GRM8: variants seen among roughly 807,000 people sequenced by gnomAD.
GRM8 encodes metabotropic glutamate receptor 8.
A neutral mutation model predicts 87.2 loss-of-function variants in GRM8; 47 were observed. That is an observed-to-expected ratio of 0.54 (90% CI 0.43 to 0.69). The LOEUF (loss-of-function observed/expected upper bound fraction) is 0.69, where lower values mean the gene tolerates loss of function less well. Ranked by LOEUF, GRM8 falls within the 30% of genes least tolerant of loss-of-function variation. GRM8 has a pLI of 0.00. For missense variants in GRM8, 1,019 were observed against 1,139.2 expected (o/e 0.89, Z 1.52); for synonymous variants, 396 against 404.5 (o/e 0.98, Z 0.25).
chr7:126,598,254 C>A (rs966596858), intron 8 of GRM8, among the ~76,000 whole-genome samples: 63 of 151,650 alleles, frequency 4.2e-4, no homozygotes, highest in African/African-American at 1.5e-3. Context: ...GTTTTTAATG[C>A]CCTATTTCTC....
chr7:126,928,834 C>T (rs1220291710), intron 3 of GRM8, among the ~76,000 whole-genome samples: 1 of 151,662 alleles, frequency 6.6e-6, no homozygotes, highest in Non-Finnish European at 1.5e-5. Flanking sequence ...GGAGGAACTA[C>T]AAAACTATTT....
intron 7 of GRM8, among the ~76,000 whole-genome samples, chr7:126,660,979 A>G (rs1233922884): frequency 1.3e-5 from 2 of 152,206 alleles, no homozygotes; most frequent in East Asian, 1.9e-4. Context: ...GAGATAGAGA[A>G]TAGAAGGTTA....
intron 9 of GRM8, among the ~76,000 whole-genome samples, chr7:126,478,840 A>T (rs1806309269): frequency 6.6e-6 from 1 of 152,094 alleles, no homozygotes; most frequent in African/African-American, 2.4e-5. Context: ...TTTTCACCTT[A>T]TGAACTAACA....
At chr7:126,680,687 C>G (rs550948838) in intron 7 of GRM8, among the ~76,000 whole-genome samples, 1 of 152,182 alleles carries the variant, frequency 6.6e-6, no homozygotes, top group African/African-American at 2.4e-5. Flanking sequence ...GTCTATCTGC[C>G]CTGGTGCACT....
chr7:126,553,241 T>A (rs1457687765), intron 8 of GRM8, among the ~76,000 whole-genome samples: 1 of 152,142 alleles, frequency 6.6e-6, no homozygotes, highest in Non-Finnish European at 1.5e-5. Flanking sequence ...AAACAACAGA[T>A]AAATTATTTT....
chr7:127,152,406 G>A (rs1291491053), intron 2 of GRM8, among the ~76,000 whole-genome samples: 2 of 152,038 alleles, frequency 1.3e-5, no homozygotes, highest in Non-Finnish European at 2.9e-5. Flanking sequence ...GAAGGTGAAG[G>A]TAGCAAAGTG....
At chr7:126,658,162 G>A (rs1293718791) in intron 7 of GRM8, among the ~76,000 whole-genome samples, 1 of 152,214 alleles carries the variant, frequency 6.6e-6, no homozygotes, top group Non-Finnish European at 1.5e-5. Context: ...TCAGCTGAGT[G>A]AAGTTGATGG....
chr7:126,656,173 T>C (rs7811921), intron 7 of GRM8, among the ~76,000 whole-genome samples: 103,053 of 152,028 alleles, frequency 0.68, 35,936 homozygotes, highest in African/African-American at 0.85. Flanking sequence ...AATGCCAGAG[T>C]TCTGGGGATT....
intron 9 of GRM8, among the ~76,000 whole-genome samples, chr7:126,502,991 A>G (rs531950029): frequency 6.6e-6 from 1 of 152,104 alleles, no homozygotes; most frequent in East Asian, 2.0e-4. Flanking sequence ...GCCTTTCATG[A>G]GGACCTCATT....
chr7:127,208,065 A>G (rs182940674), intron 2 of GRM8, among the ~76,000 whole-genome samples: 2 of 152,270 alleles, frequency 1.3e-5, no homozygotes, highest in African/African-American at 2.4e-5. Context: ...TGGAAAAGAG[A>G]CAGCTGTGGT....
rs1007045379 is a variant in GRM8, at chr7:126,823,433, T to C, written c.1157-53368A>G. ...CAGAAGTGAGGCAGAGTATTAGTTG[T>C]CCCTTCAATCCATTCTTCTCTTTAT... On this transcript the variant is annotated intron_variant, in intron 6 of 10. Transcript: ENST00000339582. Among the ~76,000 whole-genome samples the C allele has an allele frequency of 5.3e-5, 8 of 152,334 alleles. No individual in the cohort carries two copies. The East Asian group carries it at 9.6e-4, about 18-fold the overall frequency.
chr7:127,064,726 CAAA>C (rs1820941381), intron 3 of GRM8, among the ~76,000 whole-genome samples: 2 of 152,050 alleles, frequency 1.3e-5, no homozygotes, highest in Non-Finnish European at 2.9e-5. Flanking sequence ...AGACACTTCT[CAAA>C]AGAAGACATA....
intron 2 of GRM8, among the ~76,000 whole-genome samples, chr7:127,145,532 C>G (rs189986566): frequency 6.6e-6 from 1 of 152,286 alleles, no homozygotes; most frequent in East Asian, 1.9e-4. Flanking sequence ...ATCAACTTTT[C>G]ATATTACTGA....
At chr7:126,540,656 C>T (rs1241974057) in intron 8 of GRM8, among the ~76,000 whole-genome samples, 1 of 152,076 alleles carries the variant, frequency 6.6e-6, no homozygotes, top group African/African-American at 2.4e-5. Context: ...GAAAACATTA[C>T]ACTAAGAAAT....
chr7:126,884,254 A>C (rs1400438313), intron 6 of GRM8, among the ~76,000 whole-genome samples: 1 of 152,160 alleles, frequency 6.6e-6, no homozygotes, highest in Non-Finnish European at 1.5e-5. Flanking sequence ...ATTTTCCACA[A>C]CCGAGAACTA....
intron 9 of GRM8, among the ~76,000 whole-genome samples, chr7:126,514,752 G>T (rs1811930969): frequency 6.6e-6 from 1 of 151,970 alleles, no homozygotes; most frequent in African/African-American, 2.4e-5. Flanking sequence ...AGATAAAAAT[G>T]TATATCTCTA....
chr7:126,580,851 A>T (rs1795541523), intron 8 of GRM8, among the ~76,000 whole-genome samples: 1 of 152,148 alleles, frequency 6.6e-6, no homozygotes, highest in African/African-American at 2.4e-5. Context: ...TATTCTTCAA[A>T]TAAAAAGGAA....
intron 3 of GRM8, among the ~76,000 whole-genome samples, chr7:127,087,632 C>T (rs1823645159): frequency 6.6e-6 from 1 of 152,088 alleles, no homozygotes; most frequent in Non-Finnish European, 1.5e-5. Flanking sequence ...AATCAATGGG[C>T]AAACAGTTTC....
intron 9 of GRM8, among the ~76,000 whole-genome samples, chr7:126,482,099 T>G (rs988568489): frequency 6.6e-6 from 1 of 152,012 alleles, no homozygotes; most frequent in African/African-American, 2.4e-5. Context: ...ATCATAAGTA[T>G]GAGACACCAC....
Sources: gnomAD v4.1 joint callset for allele counts (sites outside exome capture counted in the v4.1 genomes callset) on GRCh38, gnomAD v4.1.1 for gene constraint, MANE v1.5 for transcripts, NCBI Gene and HGNC (gene_info 2026-07-23, HGNC 2026-07-21) for gene names.